Variants in PML observed in about 807,000 individuals in gnomAD.
PML encodes protein PML.
A neutral mutation model predicts 65.2 loss-of-function variants in PML; 28 were observed. The ratio of observed to expected loss-of-function variants is 0.43; its 90% CI spans 0.32 to 0.59. The LOEUF is 0.59. PML is among the 20% of genes least tolerant of loss of function. The pLI, the probability that PML is intolerant of heterozygous loss-of-function variation, is 0.08. For missense variants in PML, 1,021 were observed against 1,203.4 expected (o/e 0.85, Z 2.24); for synonymous variants, 500 against 508.8 (o/e 0.98, Z 0.23).
intron 2 of PML, 79 bp from the exon 3 acceptor site, chr15:74,022,749 A>G: frequency 2.7e-6 from 3 of 1,126,562 alleles, no homozygotes; most frequent in African/African-American, 1.5e-5. Flanking sequence ...GTATTTTTGG[A>G]AGAGGAATTT....
rs771145349 is a variant in PML, at chr15:74,023,076, G to C, written c.851G>C (p.Arg284Pro). ...ETEELIRERVRQVVAHVRAQE... is the reference protein window; with the variant it reads ...ETEELIRERVPQVVAHVRAQE... The stretch of plus-strand genomic sequence containing the variant: ...GAGGAGCTGATCCGCGAGCGCGTGC[G>C]CCAGGTGGTAGCTCACGTGCGGGCT... Residue 284 changes from arginine to proline, a missense_variant, in exon 3 of 9, where the codon CGC (arginine) becomes CCC (proline). By Grantham distance (103) the Arg-to-Pro change is moderately radical. Transcript: ENST00000268058. 6.2e-7 allele frequency: 1 copy of C among 1,602,720 alleles called. No individual in the cohort carries two copies. Among genetic ancestry groups the C allele is most frequent in the African/African-American group, 1.3e-5 (1 of 74,864 alleles).
chr15:74,037,356 C>A lies in PML; in HGVS notation c.1710+2826C>A. ...TTAGGGTGGAAGGGATGTCCACCTG[C>A]CTCCAGGACTCACCCTGTGTCCTGG... On this transcript the variant is annotated intron_variant, in intron 7 of 8. Transcript: ENST00000268058. This position sits in a 1 kb window ranked among gnomAD's most constrained non-coding sequence, Gnocchi z 4.2. 1 of 985,432 alleles carries A rather than the reference C, an allele frequency of 1.0e-6. No individual in the cohort carries two copies. The highest frequency in any genetic ancestry group is 1.2e-6 in the Non-Finnish European group (1 of 829,918). The allele number at this position is 985,432 out of a possible 1,614,324, so 61.0% of individuals were successfully genotyped here.
At chr15:74,041,383 G>T (rs1170925078) in intron 7 of PML, 1 of 152,314 alleles carries the variant, frequency 6.6e-6, no homozygotes, top group African/African-American at 2.4e-5. Flanking sequence ...CTTGTAGAAG[G>T]CTCCTTACAG....
At chr15:74,015,779 G>T (rs967204299) in intron 2 of PML, among the ~76,000 whole-genome samples, 5 of 152,216 alleles carry the variant, frequency 3.3e-5, no homozygotes, top group Admixed American at 1.3e-4. Context: ...CTTTGTGCTT[G>T]TAACAGTCTA....
Position 74,042,860 on chromosome 15 carries a change from C to G in PML, c.1711-129C>G, listed in dbSNP as rs1595922948. 2 of 1,576,552 alleles carry G rather than the reference C, an allele frequency of 1.3e-6. No individual in the cohort carries two copies. The highest frequency in any genetic ancestry group is 8.6e-7 in the Non-Finnish European group (1 of 1,167,436). On this transcript the variant is annotated intron_variant, in intron 7 of 8. Transcript: ENST00000268058. The surrounding 1 kb of genome is among the most constrained non-coding windows in gnomAD (Gnocchi z 5.3). ...CATACCTTCTCTTGTGCACACGTCC[C>G]CTTTCCCAGTGGTACACCCTCCTTC...
Position 74,035,121 on chromosome 15 carries a change from TG to T in PML, c.1710+593del, listed in dbSNP as rs1202003638. On this transcript the variant is annotated intron_variant, in intron 7 of 8. Coordinates refer to ENST00000268058, the MANE Select transcript of PML (RefSeq NM_033238.3). This position sits in a 1 kb window ranked among gnomAD's most constrained non-coding sequence, Gnocchi z 4.1. ...GAATAGAGTGAAAGGTTGGACTGGG[TG>T]GCCCCTGAGGTCTCTTCCAGCCCTC... 8.7e-7 allele frequency: 1 copy of T among 1,144,378 alleles called. No homozygotes were observed. The highest frequency in any genetic ancestry group is 1.7e-5 in the Admixed American group (1 of 59,446). The allele number at this position is 1,144,378 out of a possible 1,614,324, so 70.9% of individuals were successfully genotyped here.
rs559192849 is a variant in PML, at chr15:74,044,520, G to A, written c.2161G>A (p.Ala721Thr). 2 of 1,613,932 alleles carry A rather than the reference G, an allele frequency of 1.2e-6. No homozygotes were observed. Among genetic ancestry groups the A allele is most frequent in the African/African-American group, 1.3e-5 (1 of 75,050 alleles). ...LPLIRERVPG[A>T]SSFKLKNLAQ... ...TCTCATCCGGGAGCGTGTGCCCGGG[G>A]CCAGCAGCTTCAAACTCAAGAACCT... Residue 721 changes from alanine to threonine, a missense_variant, in exon 9 of 9, where the codon GCC (alanine) becomes ACC (threonine). Physicochemically the swap from Ala to Thr is moderately conservative, Grantham distance 58. Transcript: ENST00000268058.
rs2070290401 is a variant in PML, at chr15:74,010,601, C to T, written c.602+12125C>T. ...AATTAAAAACTATTAATAGAACCAC[C>T]GCCAGCCAGCCAGACAGCCATTGAG... On this transcript the variant is annotated intron_variant, in intron 2 of 8. Coordinates refer to ENST00000268058, the MANE Select transcript of PML (RefSeq NM_033238.3). 2.6e-5 allele frequency among the ~76,000 whole-genome samples: 4 copies of T among 152,056 alleles called. No individual in the cohort carries two copies. The South Asian group carries it at 6.2e-4, about 24-fold the overall frequency.
At chr15:74,036,501 A>T (rs567041495) in intron 7 of PML, 2 of 1,155,102 alleles carry the variant, frequency 1.7e-6, no homozygotes, top group South Asian at 2.0e-5. Context: ...TCCTCTGGGG[A>T]TACCATGTCC....
intron 4 of PML, chr15:74,031,177 C>G (rs1383588741): frequency 2.7e-6 from 1 of 369,314 alleles, no homozygotes. Flanking sequence ...CACCAATCTG[C>G]TTTCTGTGTC....
At position 74,023,003 on chromosome 15, in the gene PML, C is replaced by T. The variant is rs1414728269; in HGVS notation, c.778C>T (p.Gln260Ter). ...TAGTGCCTTTGGCGCGGTTCACGCG[C>T]AGATGCACGCGGCCGTCGGCCAGCT... ...QDSAFGAVHA[Q>*]MHAAVGQLGR... Residue 260 changes from glutamine (Q) to a stop codon, truncating the protein, a stop_gained, in exon 3 of 9, where the codon CAG becomes TAG. Transcript: ENST00000268058. LOFTEE classifies it high-confidence loss of function. The T allele has an allele frequency of 6.2e-7, 1 of 1,609,122 alleles. No homozygotes were observed. The highest frequency in any genetic ancestry group is 1.1e-5 in the South Asian group (1 of 90,902).
In PML at chr15:74,033,265, G is replaced by A. The variant is rs751085157; in HGVS notation, c.1508G>A (p.Arg503Gln). 98 of 1,614,098 alleles carry A rather than the reference G, an allele frequency of 6.1e-5. No homozygotes were observed. The highest frequency in any genetic ancestry group is 7.6e-5 in the Non-Finnish European group (90 of 1,180,044). ...GAGGGGAAGGAGGCAAGGTTGGCTC[G>A]GAGCTCCCCGGAGCAGCCCAGGCCC... ...SEEGKEARLARSSPEQPRPST... is the reference protein window; with the variant it reads ...SEEGKEARLAQSSPEQPRPST... The change falls in exon 6 of 9, where the codon CGG (arginine) becomes CAG (glutamine). Residue 503 changes from arginine (R) to glutamine (Q), a missense_variant. By Grantham distance (43) the Arg-to-Gln change is conservative. Coordinates refer to ENST00000268058, the MANE Select transcript of PML (RefSeq NM_033238.3).
intron 4 of PML, among the ~76,000 whole-genome samples, chr15:74,030,325 C>T (rs2071262220): frequency 6.6e-6 from 1 of 152,066 alleles, no homozygotes; most frequent in South Asian, 2.1e-4. Context: ...ATGAAGAGCA[C>T]GCCGGGGCAG....
At chr15:74,016,790 A>ATTTTTTTTTTTTTTTTTTT (rs1419052993) in intron 2 of PML, among the ~76,000 whole-genome samples, 1 of 64,468 alleles carries the variant, frequency 1.6e-5, no homozygotes, top group African/African-American at 5.0e-5. Flanking sequence ...AGGCAGTGGC[A>ATTTTTTTTTTTTTTTTTTT]TCTTTTTTTT....
chr15:74,021,226 A>G (rs2070819552), intron 2 of PML, among the ~76,000 whole-genome samples: 1 of 152,194 alleles, frequency 6.6e-6, no homozygotes, highest in Non-Finnish European at 1.5e-5. Flanking sequence ...GAATGAGTAA[A>G]TATTTGCCAA....
At chr15:74,044,199 C>T (rs1186521415) in intron 8 of PML, 22 bp from the exon 9 acceptor site, 1 of 1,613,018 alleles carries the variant, frequency 6.2e-7, no homozygotes, top group Non-Finnish European at 8.5e-7. Flanking sequence ...GGGTCCTCAC[C>T]CTGCCCTTCT....
Position 74,035,427 on chromosome 15 carries a change from C to T in PML, c.1710+897C>T, listed in dbSNP as rs371144013. 24 of 1,612,164 alleles carry T rather than the reference C, an allele frequency of 1.5e-5. No individual in the cohort carries two copies. In the Middle Eastern group the frequency reaches 6.6e-4, roughly 44 times the overall value. On this transcript the variant is annotated intron_variant, in intron 7 of 8. Coordinates refer to ENST00000268058, the MANE Select transcript of PML (RefSeq NM_033238.3). The surrounding 1 kb of genome is among the most constrained non-coding windows in gnomAD (Gnocchi z 4.1). Reference sequence around the variant, plus strand: ...GCGCCCTGCCGTCCACCGTGGGATCCGCTACCTGTTGTACAGAGCACAGAG... The same window carrying T: ...GCGCCCTGCCGTCCACCGTGGGATCTGCTACCTGTTGTACAGAGCACAGAG...
At chr15:73,999,935 C>T (rs1446347211) in intron 2 of PML, among the ~76,000 whole-genome samples, 2 of 150,074 alleles carry the variant, frequency 1.3e-5, no homozygotes, top group South Asian at 4.2e-4. Context: ...CCCGGGTTCA[C>T]GCCATTTTCC....
chr15:74,036,991 A>AT, intron 7 of PML: 1 of 985,406 alleles, frequency 1.0e-6, no homozygotes, highest in Non-Finnish European at 1.2e-6. Context: ...TTTCATCAGA[A>AT]TTGCAGCTCC....
Sources: allele counts gnomAD v4.1 joint callset (sites outside exome capture counted in the v4.1 genomes callset), GRCh38; gene constraint gnomAD v4.1.1; non-coding constraint Gnocchi (gnomAD v3.1); transcripts MANE v1.5; gene names NCBI Gene and HGNC (gene_info 2026-07-23, HGNC 2026-07-21).